ELAVL4: variants seen among roughly 807,000 people sequenced by gnomAD.
ELAVL4 encodes ELAV-like protein 4.
In ELAVL4, 1 loss-of-function variant was observed where a neutral mutation model predicts 35.6. That is an observed-to-expected ratio of 0.03 (90% CI 0.01 to 0.13). ELAVL4 has a LOEUF of 0.13. Among genes scored for constraint, ELAVL4 ranks in the 10% least tolerant of loss-of-function variants. ELAVL4 has a pLI of 1.00. For synonymous variants in ELAVL4, 156 were observed against 171.0 expected, an observed-to-expected ratio of 0.91 and a Z score of 0.69; for missense variants, 267 against 464.9, an observed-to-expected ratio of 0.57 and a Z score of 3.91.
intron 3 of ELAVL4, among the ~76,000 whole-genome samples, chr1:50,192,195 T>C (rs1171880476): frequency 1.3e-5 from 2 of 152,100 alleles, no homozygotes; most frequent in Non-Finnish European, 2.9e-5. Context: ...TTCTAGAAGA[T>C]GGAGATACTG....
At chr1:50,150,487 G>A (rs752985032) in intron 2 of ELAVL4, among the ~76,000 whole-genome samples, 1 of 152,188 alleles carries the variant, frequency 6.6e-6, no homozygotes, top group South Asian at 2.1e-4. Context: ...ATTTCTGAAA[G>A]TGCTAACAAT....
intron 1 of ELAVL4, among the ~76,000 whole-genome samples, chr1:50,112,210 A>T (rs1405415192): frequency 6.6e-6 from 1 of 152,040 alleles, no homozygotes; most frequent in Non-Finnish European, 1.5e-5. Context: ...ACTTGCGGCC[A>T]TATGTTGAGT....
intron 1 of ELAVL4, among the ~76,000 whole-genome samples, chr1:50,123,691 T>C (rs1669412662): frequency 6.6e-6 from 1 of 152,058 alleles, no homozygotes; most frequent in Non-Finnish European, 1.5e-5. Context: ...GCCTCCCATC[T>C]TGGGTCTCTT....
chr1:50,106,888 T>C (rs1352751867), upstream of ELAVL4, among the ~76,000 whole-genome samples: 8 of 152,346 alleles, frequency 5.3e-5, no homozygotes, highest in East Asian at 1.5e-3. Flanking sequence ...CCTTTTAATA[T>C]ACCTAATGTT....
chr1:50,082,053 C>A (rs1232667687), intron 1 of ELAVL4, among the ~76,000 whole-genome samples: 2 of 152,148 alleles, frequency 1.3e-5, no homozygotes, highest in East Asian at 3.8e-4. Context: ...TGTATATGTG[C>A]CACATTTTCT....
At chr1:50,158,830 G>A (rs1439271766) in intron 2 of ELAVL4, among the ~76,000 whole-genome samples, 2 of 152,144 alleles carry the variant, frequency 1.3e-5, no homozygotes, top group Non-Finnish European at 2.9e-5. Flanking sequence ...CACGAGGTCA[G>A]GAGTTTAAGA....
At chr1:50,106,084 G>T (rs1666279888), upstream of ELAVL4, 2 of 422,144 alleles carry the variant, frequency 4.7e-6, no homozygotes, top group South Asian at 1.7e-4. Flanking sequence ...TTCCATTTCT[G>T]TTCCTTCCTT....
intron 3 of ELAVL4, among the ~76,000 whole-genome samples, chr1:50,184,002 A>G (rs1450625233): frequency 6.6e-6 from 1 of 152,106 alleles, no homozygotes; most frequent in Non-Finnish European, 1.5e-5. Context: ...GGATCACTGA[A>G]TCCCCAGGGA....
At chr1:50,156,754 C>G (rs768914547) in intron 2 of ELAVL4, among the ~76,000 whole-genome samples, 3 of 152,124 alleles carry the variant, frequency 2.0e-5, no homozygotes, top group African/African-American at 7.2e-5. Context: ...GTGGCCAAGC[C>G]GGCTGCATAC....
At chr1:50,147,942 A>T (rs1197294669) in intron 2 of ELAVL4, among the ~76,000 whole-genome samples, 1 of 152,200 alleles carries the variant, frequency 6.6e-6, no homozygotes, top group Admixed American at 6.5e-5. Context: ...TGATAGCCTT[A>T]CCAGCAGGCT....
At chr1:50,147,028 T>A (rs1197137820) in intron 2 of ELAVL4, among the ~76,000 whole-genome samples, 2 of 152,070 alleles carry the variant, frequency 1.3e-5, no homozygotes, top group African/African-American at 2.4e-5. Flanking sequence ...CAGCCTTTAA[T>A]TTGGTATACA....
upstream of ELAVL4, chr1:50,106,072 G>C (rs1259790116): frequency 5.0e-6 from 2 of 397,022 alleles, no homozygotes; most frequent in Non-Finnish European, 8.9e-6. Context: ...TACAATTCAC[G>C]CTTCCATTTC....
chr1:50,198,801 T>A (rs916098755), intron 6 of ELAVL4, among the ~76,000 whole-genome samples: 6 of 152,162 alleles, frequency 3.9e-5, no homozygotes, highest in African/African-American at 1.4e-4. Context: ...CATCACTAGC[T>A]GATAATAGCA....
At chr1:50,063,973 A>G (rs996173282) in intron 1 of ELAVL4, among the ~76,000 whole-genome samples, 2 of 152,168 alleles carry the variant, frequency 1.3e-5, no homozygotes, top group African/African-American at 4.8e-5. Context: ...AAGGAAAATT[A>G]GGAATTATCT....
At chr1:50,132,174 A>G (rs1482297158) in intron 1 of ELAVL4, among the ~76,000 whole-genome samples, 1 of 152,156 alleles carries the variant, frequency 6.6e-6, no homozygotes, top group African/African-American at 2.4e-5. Flanking sequence ...GGATGTTCAA[A>G]TGCAAGAAAG....
chr1:50,184,863 G>A (rs944653682), intron 3 of ELAVL4, among the ~76,000 whole-genome samples: 1 of 152,140 alleles, frequency 6.6e-6, no homozygotes, highest in African/African-American at 2.4e-5. Context: ...GCTCTAAGAT[G>A]CTATAATTTT....
At chr1:50,081,592 C>T (rs1455755105) in intron 1 of ELAVL4, among the ~76,000 whole-genome samples, 2 of 152,214 alleles carry the variant, frequency 1.3e-5, no homozygotes, top group Non-Finnish European at 2.9e-5. Context: ...ATGGATGTAG[C>T]CCTTTTGAAT....
chr1:50,124,798 C>T (rs548891763), intron 1 of ELAVL4, among the ~76,000 whole-genome samples: 1 of 152,096 alleles, frequency 6.6e-6, no homozygotes, highest in Admixed American at 6.6e-5. Context: ...ATCATTTCCA[C>T]TCCCTATGCC....
intron 1 of ELAVL4, among the ~76,000 whole-genome samples, chr1:50,119,032 AAGAAAAAGAAAGAAAGAAAG>A (rs1462778099): frequency 1.2e-4 from 16 of 130,334 alleles, no homozygotes; most frequent in African/African-American, 4.8e-4. Flanking sequence ...GAAAGAAAGA[AAGAAAAAGAAAGAAAGAAAG>A]AAAGAAAGAA....
Sources: gnomAD v4.1 joint callset for allele counts (sites outside exome capture counted in the v4.1 genomes callset) on GRCh38, gnomAD v4.1.1 for gene constraint, MANE v1.5 for transcripts, NCBI Gene and HGNC (gene_info 2026-07-23, HGNC 2026-07-21) for gene names.